UBE3D: variants seen among roughly 807,000 people sequenced by gnomAD.
UBE3D encodes the protein ubiquitin protein ligase E3D, also known as E3 ubiquitin-protein ligase E3D.
In UBE3D, 48 loss-of-function variants were observed where a neutral mutation model predicts 49.6. The observed-to-expected ratio is 0.97, with a 90% CI of 0.77 to 1.23. The LOEUF (loss-of-function observed/expected upper bound fraction) is 1.23. Among genes scored for constraint, UBE3D ranks in the 50% most tolerant of loss-of-function variants. UBE3D has a pLI of 0.00. For synonymous variants in UBE3D, 189 were observed against 174.2 expected, an observed-to-expected ratio of 1.08 and a Z score of -0.67; for missense variants, 452 against 468.4, an observed-to-expected ratio of 0.96 and a Z score of 0.32.
chr6:82,984,535 T>A (rs1778329014), intron 8 of UBE3D, among the ~76,000 whole-genome samples: 1 of 152,218 alleles, frequency 6.6e-6, no homozygotes, highest in South Asian at 2.1e-4. Flanking sequence ...TTTCCCATTT[T>A]TCACAGCTTC....
At chr6:82,955,064 C>T (rs533112029) in intron 9 of UBE3D, among the ~76,000 whole-genome samples, 1 of 152,062 alleles carries the variant, frequency 6.6e-6, no homozygotes, top group African/African-American at 2.4e-5. Flanking sequence ...ACATTCAGAC[C>T]GCTCTAAGAG....
chr6:82,940,210 G>A (rs1774909203), intron 9 of UBE3D, among the ~76,000 whole-genome samples: 1 of 152,206 alleles, frequency 6.6e-6, no homozygotes, highest in South Asian at 2.1e-4. Context: ...AGGAGGCAGA[G>A]GATGAGACAA....
chr6:82,964,653 C>T (rs1776783114), intron 8 of UBE3D, among the ~76,000 whole-genome samples: 1 of 152,122 alleles, frequency 6.6e-6, no homozygotes, highest in African/African-American at 2.4e-5. Context: ...AGCTCACAAA[C>T]TAGCAAAACA....
intron 9 of UBE3D, chr6:82,938,420 T>C (rs530322839): frequency 6.6e-6 from 1 of 152,172 alleles, no homozygotes; most frequent in South Asian, 2.1e-4. Context: ...TCAGGAGATG[T>C]GGGGATGCCG....
At chr6:83,025,204 C>G (rs1009089542) in intron 5 of UBE3D, among the ~76,000 whole-genome samples, 1 of 152,302 alleles carries the variant, frequency 6.6e-6, no homozygotes, top group East Asian at 1.9e-4. Flanking sequence ...GGTTTTTAAT[C>G]ACAGCATCCC....
chr6:82,994,050 C>A (rs1430615679), intron 8 of UBE3D, among the ~76,000 whole-genome samples: 2 of 152,146 alleles, frequency 1.3e-5, no homozygotes, highest in Admixed American at 1.3e-4. Context: ...ATAACACACA[C>A]TAGGGAAACA....
At chr6:82,896,709 A>G (rs956305764) in intron 9 of UBE3D, among the ~76,000 whole-genome samples, 1 of 151,882 alleles carries the variant, frequency 6.6e-6, no homozygotes, top group Non-Finnish European at 1.5e-5. Context: ...TGATTTCTCA[A>G]CATTGATTTA....
chr6:82,949,707 C>T (rs565632507), intron 9 of UBE3D, among the ~76,000 whole-genome samples: 1 of 152,196 alleles, frequency 6.6e-6, no homozygotes, highest in African/African-American at 2.4e-5. Context: ...AGAAACAAAT[C>T]CATACATCTA....
intron 5 of UBE3D, among the ~76,000 whole-genome samples, chr6:83,031,072 A>G (rs1457458929): frequency 6.6e-6 from 1 of 152,034 alleles, no homozygotes; most frequent in Non-Finnish European, 1.5e-5. Context: ...CAGTGGTGCG[A>G]TATCAGCTCA....
intron 6 of UBE3D, 45 bp from the exon 7 acceptor site, chr6:83,022,606 ACT>A (rs781379342): frequency 7.0e-7 from 1 of 1,423,510 alleles, no homozygotes; most frequent in Admixed American, 2.5e-5. Context: ...TCTCATAATA[ACT>A]CTAACTGGCA....
chr6:82,959,755 C>G (rs1258036249), intron 8 of UBE3D, among the ~76,000 whole-genome samples: 2 of 143,196 alleles, frequency 1.4e-5, no homozygotes, highest in African/African-American at 5.1e-5. Context: ...AGGATTGGCT[C>G]TGCTCCTAAG....
rs527468548 is a variant in UBE3D at position 83,054,594 on chromosome 6, G to A, written c.275-356C>T. 3.9e-5 allele frequency among the ~76,000 whole-genome samples: 6 copies of A among 152,122 alleles called. No individual in the cohort carries two copies. In the South Asian group the frequency reaches 6.2e-4, roughly 16 times the overall value. The stretch of plus-strand genomic sequence containing the variant: ...TCTCCAACATTCTCAGCTTCCCTCT[G>A]CTGTGTCTCACAATAGTGTTTCATC... On this transcript the variant is annotated intron_variant, in intron 2 of 9. Transcript: ENST00000369747.
intron 9 of UBE3D, among the ~76,000 whole-genome samples, chr6:82,944,545 G>C (rs1429012797): frequency 2.6e-5 from 4 of 152,186 alleles, no homozygotes; most frequent in African/African-American, 9.7e-5. Context: ...AGCTGTGATG[G>C]CTATGGTGAG....
intron 8 of UBE3D, among the ~76,000 whole-genome samples, chr6:82,970,617 A>C (rs1439636010): frequency 6.6e-6 from 1 of 152,168 alleles, no homozygotes; most frequent in African/African-American, 2.4e-5. Context: ...AGGCGGGCAG[A>C]TCACGAGGTC....
chr6:83,059,522 T>A (rs1784030171), intron 1 of UBE3D, among the ~76,000 whole-genome samples: 1 of 152,228 alleles, frequency 6.6e-6, no homozygotes, highest in African/African-American at 2.4e-5. Flanking sequence ...ATTTGCTACC[T>A]CAATGACTTT....
intron 9 of UBE3D, among the ~76,000 whole-genome samples, chr6:82,896,671 T>C (rs1023090562): frequency 1.3e-5 from 2 of 152,210 alleles, no homozygotes; most frequent in Admixed American, 6.5e-5. Context: ...TAATGTTATT[T>C]TACCCTAGAT....
chr6:82,967,825 T>A (rs561354667), intron 8 of UBE3D, among the ~76,000 whole-genome samples: 85 of 151,826 alleles, frequency 5.6e-4, no homozygotes, highest in African/African-American at 1.9e-3. Flanking sequence ...AAAAAAAAAA[T>A]TTAAGAGATG....
chr6:83,054,742 C>T (rs1415850067), intron 2 of UBE3D, among the ~76,000 whole-genome samples: 1 of 152,036 alleles, frequency 6.6e-6, no homozygotes, highest in Non-Finnish European at 1.5e-5. Flanking sequence ...ATCTCTGCCT[C>T]CTGGGTTCAA....
intron 8 of UBE3D, among the ~76,000 whole-genome samples, chr6:82,982,453 G>T (rs1778178609): frequency 1.3e-5 from 2 of 152,008 alleles, no homozygotes; most frequent in African/African-American, 2.4e-5. Context: ...TAATCTGTAG[G>T]TTCTCCTTCC....
Sources: allele counts gnomAD v4.1 joint callset (sites outside exome capture counted in the v4.1 genomes callset), GRCh38; gene constraint gnomAD v4.1.1; transcripts MANE v1.5; gene names NCBI Gene and HGNC (gene_info 2026-07-23, HGNC 2026-07-21).